ADAM17: variants seen among roughly 807,000 people sequenced by gnomAD.
ADAM17 encodes disintegrin and metalloproteinase domain-containing protein 17.
In ADAM17, 39 loss-of-function variants were observed where a neutral mutation model predicts 96.7. The ratio of observed to expected loss-of-function variants is 0.40; its 90% CI spans 0.31 to 0.53. The LOEUF (loss-of-function observed/expected upper bound fraction) is 0.53. Among genes scored for constraint, ADAM17 ranks in the 20% least tolerant of loss-of-function variants. The pLI is 0.44. For synonymous variants in ADAM17, 344 were observed against 359.2 expected (o/e 0.96, Z 0.48); for missense variants, 777 against 1,013.2 (o/e 0.77, Z 3.17).
chr2:9,503,851 AAG>A (rs1663190427), intron 12 of ADAM17, among the ~76,000 whole-genome samples: 1 of 151,394 alleles, frequency 6.6e-6, no homozygotes, highest in Non-Finnish European at 1.5e-5. Flanking sequence ...AAAAAAAAAA[AAG>A]AAATAAAAGA....
chr2:9,497,315 AT>A, intron 13 of ADAM17, 67 bp from the exon 14 acceptor site: 1 of 1,586,718 alleles, frequency 6.3e-7, no homozygotes, highest in African/African-American at 1.3e-5. Context: ...CAGGTGCATA[AT>A]ACGCTGTTTC....
chr2:9,499,923 A>G (rs948751832), intron 13 of ADAM17, among the ~76,000 whole-genome samples: 8 of 152,198 alleles, frequency 5.3e-5, no homozygotes, highest in African/African-American at 1.7e-4. Flanking sequence ...GTTGGTGAGG[A>G]TATGGAGAAG....
chr2:9,499,654 G>A (rs552309821), intron 13 of ADAM17, among the ~76,000 whole-genome samples: 1 of 152,102 alleles, frequency 6.6e-6, no homozygotes, highest in African/African-American at 2.4e-5. Context: ...TGCCCACCTC[G>A]GCCTCCCAAA....
intron 4 of ADAM17, among the ~76,000 whole-genome samples, chr2:9,535,411 T>C (rs1204270115): frequency 6.6e-6 from 1 of 152,256 alleles, no homozygotes; most frequent in Non-Finnish European, 1.5e-5. Flanking sequence ...CTGACTTTCC[T>C]AGCTTCCTCT....
At chr2:9,515,002 A>T (rs2125014984) in intron 10 of ADAM17, among the ~76,000 whole-genome samples, 1 of 152,304 alleles carries the variant, frequency 6.6e-6, no homozygotes, top group South Asian at 2.1e-4. Flanking sequence ...CTGGGACTAT[A>T]GGCTCCTGCC....
At chr2:9,497,349 T>A in intron 13 of ADAM17, 101 bp from the exon 14 acceptor site, 1 of 1,488,970 alleles carries the variant, frequency 6.7e-7, no homozygotes, top group Non-Finnish European at 9.0e-7. Context: ...GCATCTTACC[T>A]TGCAAAAGCA....
intron 10 of ADAM17, among the ~76,000 whole-genome samples, chr2:9,516,941 T>A (rs1299154180): frequency 2.0e-5 from 3 of 152,132 alleles, no homozygotes; most frequent in Non-Finnish European, 4.4e-5. Context: ...GACCCAGTGC[T>A]GTCCAGTAAC....
At chr2:9,502,379 G>T in intron 12 of ADAM17, 103 bp from the exon 13 acceptor site, 1 of 999,584 alleles carries the variant, frequency 1.0e-6, no homozygotes, top group Non-Finnish European at 1.5e-6. Context: ...CACCGGGGAA[G>T]ACCTCCTGGC....
intron 10 of ADAM17, among the ~76,000 whole-genome samples, chr2:9,511,647 A>AT (rs966828778): frequency 6.6e-6 from 1 of 151,996 alleles, no homozygotes; most frequent in African/African-American, 2.4e-5. Flanking sequence ...TAAAGCTAAA[A>AT]TTTTTTTTCC....
intron 2 of ADAM17, among the ~76,000 whole-genome samples, chr2:9,538,014 G>A (rs1211321916): frequency 8.7e-6 from 1 of 114,952 alleles, no homozygotes; most frequent in Non-Finnish European, 1.8e-5. Flanking sequence ...AGGGAGGGGA[G>A]GAGAGGGGAG....
intron 16 of ADAM17, 112 bp from the exon 17 acceptor site, chr2:9,493,098 T>C: frequency 1.2e-6 from 1 of 819,818 alleles, no homozygotes; most frequent in Non-Finnish European, 1.9e-6. Flanking sequence ...TGGCTAGACA[T>C]ACTACCGAGA....
At chr2:9,502,653 G>A (rs1230313732) in intron 12 of ADAM17, among the ~76,000 whole-genome samples, 3 of 151,970 alleles carry the variant, frequency 2.0e-5, no homozygotes, top group Non-Finnish European at 2.9e-5. Context: ...GAGGTGGGTG[G>A]ATCACCTGAG....
At chr2:9,551,086 A>G (rs1221066725) in intron 1 of ADAM17, among the ~76,000 whole-genome samples, 3 of 151,604 alleles carry the variant, frequency 2.0e-5, no homozygotes, top group African/African-American at 4.9e-5. Context: ...AAAAAAAAAA[A>G]GGTAACTAAT....
At chr2:9,547,407 C>T (rs932406416) in intron 1 of ADAM17, among the ~76,000 whole-genome samples, 3 of 152,166 alleles carry the variant, frequency 2.0e-5, no homozygotes, top group African/African-American at 7.2e-5. Context: ...ACAGAAGTAG[C>T]CACAGAAAGT....
chr2:9,527,815 T>C lies in ADAM17; in HGVS notation c.590A>G (p.Lys197Arg), dbSNP rs1433027134. The C allele has an allele frequency of 6.3e-7, 1 of 1,599,358 alleles. No individual in the cohort carries two copies. Among genetic ancestry groups the C allele is most frequent in the East Asian group, 2.3e-5 (1 of 44,100 alleles). ...LKVDNEELLP[K>R]GLVDREPPEE... is the part of the protein sequence containing the mutation. ...AGGTGGTTCTCTGTCTACTAACCCT[T>C]TTGGGAGCAACTCTTCATTATCCAC... Residue 197 changes from lysine (K) to arginine (R), a missense_variant, in exon 5 of 19, where the codon AAA becomes AGA. Transcript: ENST00000310823.
chr2:9,523,312 G>A lies in ADAM17; in HGVS notation c.780C>T (p.Asp260=). The change falls in exon 7 of 19, where the codon GAC becomes GAT. Residue 260 remains aspartate, a synonymous_variant. Transcript: ENST00000310823. ...TATCCCATGAAGTGTTCCGATAGAT[G>A]TCATCAACTCTGTCAATTAGCTCTA... ...YLIELIDRVD[D]IYRNTSWDNA... 1 of 1,612,810 alleles carries A rather than the reference G, an allele frequency of 6.2e-7. No individual in the cohort carries two copies. Among genetic ancestry groups the A allele is most frequent in the Non-Finnish European group, 8.5e-7 (1 of 1,179,318 alleles).
At chr2:9,521,084 A>G in intron 8 of ADAM17, 119 bp downstream of exon 8, 1 of 673,278 alleles carries the variant, frequency 1.5e-6, no homozygotes, top group Non-Finnish European at 2.6e-6. Context: ...GATCAGCTGG[A>G]GGAGACTGCT....
In ADAM17 at chr2:9,495,178, G is replaced by A. The variant is rs529007598; in HGVS notation, c.1784-411C>T. ...GCCCACACTGGCTCCCTGAAAGCGA[G>A]AGCAGCTGGGACACAACTGTCCACC... On this transcript the variant is annotated intron_variant, in intron 14 of 18. Coordinates refer to ENST00000310823, the MANE Select transcript of ADAM17 (RefSeq NM_003183.6). Among the ~76,000 whole-genome samples, 14 of 152,310 alleles carry A rather than the reference G, an allele frequency of 9.2e-5. No individual in the cohort carries two copies. The South Asian group carries it at 1.9e-3, about 20-fold the overall frequency.
intron 4 of ADAM17, among the ~76,000 whole-genome samples, chr2:9,534,534 C>G (rs1252548790): frequency 1.3e-5 from 2 of 151,926 alleles, no homozygotes; most frequent in Admixed American, 1.3e-4. Context: ...GACTCCGTCT[C>G]AAAAAACAAA....
Sources: gnomAD v4.1 joint callset for allele counts (sites outside exome capture counted in the v4.1 genomes callset) on GRCh38, gnomAD v4.1.1 for gene constraint, MANE v1.5 for transcripts, NCBI Gene and HGNC (gene_info 2026-07-23, HGNC 2026-07-21) for gene names.